SNX18: variants seen among roughly 807,000 people sequenced by gnomAD.
SNX18 encodes sorting nexin 18.
Under a neutral mutation model 48.7 loss-of-function variants are expected in SNX18, and 35 were observed. That is an observed-to-expected ratio of 0.72 (90% CI 0.55 to 0.95). The LOEUF (loss-of-function observed/expected upper bound fraction) is 0.95, where lower values mean the gene tolerates loss of function less well. Among genes scored for constraint, SNX18 ranks in the 40% least tolerant of loss-of-function variants. The probability of loss-of-function intolerance (pLI) is 0.00; values close to 1 mark genes in which losing one functional copy is unlikely to be tolerated. For synonymous variants in SNX18, 492 were observed against 384.7 expected (o/e 1.28, Z -3.26); for missense variants, 824 against 871.0 (o/e 0.95, Z 0.68).
At chr5:54,644,425 GGTGA>G in the SNX18 span, 3 of 152,304 alleles carry the variant, frequency 2.0e-5, no homozygotes, top group African/African-American at 7.2e-5. Context: ...ACTAACCACG[GGTGA>G]GTAACAGGTG....
chr5:54,527,405 A>T (rs1762156094), intron 1 of SNX18, among the ~76,000 whole-genome samples: 1 of 152,048 alleles, frequency 6.6e-6, no homozygotes, highest in Non-Finnish European at 1.5e-5. Flanking sequence ...TAGAATCAAC[A>T]GGTTTTCCTG....
the SNX18 span, among the ~76,000 whole-genome samples, chr5:54,630,327 G>C: frequency 4.6e-5 from 7 of 152,228 alleles, no homozygotes; most frequent in Admixed American, 4.6e-4. Context: ...GTGTACCTGT[G>C]TGTGTGTGTG....
chr5:54,518,230 C>T lies in SNX18; in HGVS notation c.278C>T (p.Pro93Leu), dbSNP rs763198102. ...GGCTTCGAGCCCCTGCCTGTCGCGC[C>T]CCCCGCCTCCTTCAAGCCGCCGCCT... is the stretch of plus-strand genomic sequence containing the variant. Reference protein sequence around the residue: ...PGGFEPLPVAPPASFKPPPDA... With the variant: ...PGGFEPLPVALPASFKPPPDA... Residue 93 changes from proline (P) to leucine (L), a missense_variant, in exon 1 of 2, where the codon CCC becomes CTC. Pro to Leu is a moderately conservative substitution (Grantham distance 98). Coordinates refer to ENST00000381410, the MANE Select transcript of SNX18 (RefSeq NM_001102575.2). 23 of 1,426,392 alleles carry T rather than the reference C, an allele frequency of 1.6e-5. No homozygotes were observed. In the Admixed American group the frequency reaches 4.3e-4, roughly 26 times the overall value. 88.4% of individuals were successfully genotyped at this position (1,426,392 alleles called of 1,614,324 possible). A position where few individuals can be genotyped will look rare whatever the true frequency, so the allele number is the denominator to read the frequency against.
intron 1 of SNX18, among the ~76,000 whole-genome samples, chr5:54,522,479 T>C (rs114641245): frequency 0.011 from 1,683 of 152,334 alleles, 32 homozygotes; most frequent in African/African-American, 0.039. Context: ...AGCAAATTAT[T>C]ATATTTTAAT....
chr5:54,590,358 T>C, the SNX18 span, among the ~76,000 whole-genome samples: 1,387 of 152,338 alleles, frequency 9.1e-3, 17 homozygotes, highest in Middle Eastern at 0.02. Flanking sequence ...CTGAAATAGT[T>C]GAGAATCCTA....
chr5:54,642,688 C>T, the SNX18 span, among the ~76,000 whole-genome samples: 4 of 152,158 alleles, frequency 2.6e-5, no homozygotes, highest in African/African-American at 7.2e-5. Context: ...TAATATCTAG[C>T]GTCTTAACAT....
the SNX18 span, among the ~76,000 whole-genome samples, chr5:54,636,583 T>C: frequency 3.7e-3 from 556 of 152,306 alleles, 3 homozygotes; most frequent in Non-Finnish European, 6.8e-3. Context: ...CAGCCCCTAC[T>C]CTGCTTTTTG....
At chr5:54,556,464 C>T in the SNX18 span, among the ~76,000 whole-genome samples, 11 of 152,198 alleles carry the variant, frequency 7.2e-5, no homozygotes, top group Admixed American at 6.5e-4. Context: ...ATCACTCTGA[C>T]ACAAAACATT....
chr5:54,545,420 T>C lies in SNX18; in HGVS notation c.*1988T>C, dbSNP rs1762559298. 6.6e-6 allele frequency: 1 copy of C among 152,142 alleles called. No individual in the cohort carries two copies. The highest frequency in any genetic ancestry group is 1.5e-5 in the Non-Finnish European group (1 of 68,004). The allele number at this position is 152,142 out of a possible 1,614,324, so 9.4% of individuals were successfully genotyped here. On this transcript the variant is annotated 3_prime_UTR_variant, in exon 2 of 2. Coordinates refer to ENST00000381410, the MANE Select transcript of SNX18 (RefSeq NM_001102575.2). ...TTTGATGGTGGTTGGATTTTTTTTTTTTTAATAGTAAAATCACTAAACTTG... is the reference window on the plus strand; with the variant it reads ...TTTGATGGTGGTTGGATTTTTTTTTCTTTAATAGTAAAATCACTAAACTTG...
the SNX18 span, among the ~76,000 whole-genome samples, chr5:54,641,654 A>G: frequency 9.9e-5 from 15 of 152,222 alleles, no homozygotes; most frequent in African/African-American, 2.7e-4. Context: ...TCACAGCACA[A>G]CAAAAATTTT....
At chr5:54,615,904 A>G in the SNX18 span, among the ~76,000 whole-genome samples, 5,429 of 152,302 alleles carry the variant, frequency 0.036, 270 homozygotes, top group African/African-American at 0.11. Context: ...GAATATAAAG[A>G]TAAGTAGACT....
At chr5:54,567,515 T>A in the SNX18 span, among the ~76,000 whole-genome samples, 21,981 of 151,956 alleles carry the variant, frequency 0.14, 1,660 homozygotes, top group East Asian at 0.19. Context: ...GTTTGGGGCC[T>A]GGGAATCGAA....
At chr5:54,605,090 A>G in the SNX18 span, among the ~76,000 whole-genome samples, 1 of 152,192 alleles carries the variant, frequency 6.6e-6, no homozygotes, top group South Asian at 2.1e-4. Context: ...TCAAAATGTA[A>G]GATCTAAGAT....
At chr5:54,625,062 A>G in the SNX18 span, among the ~76,000 whole-genome samples, 1 of 152,176 alleles carries the variant, frequency 6.6e-6, no homozygotes, top group Non-Finnish European at 1.5e-5. Context: ...CAGTTAAAAG[A>G]GCTTAAGTGG....
At chr5:54,634,469 CT>C in the SNX18 span, among the ~76,000 whole-genome samples, 1 of 152,090 alleles carries the variant, frequency 6.6e-6, no homozygotes, top group Non-Finnish European at 1.5e-5. Flanking sequence ...CCCAGGATAG[CT>C]TTGAATGTGG....
chr5:54,615,858 T>C, the SNX18 span, among the ~76,000 whole-genome samples: 1 of 152,218 alleles, frequency 6.6e-6, no homozygotes, highest in African/African-American at 2.4e-5. Context: ...GCATGTTGAT[T>C]AACATGATGA....
chr5:54,543,272 C>A lies in SNX18; in HGVS notation c.1715C>A (p.Thr572Asn). Residue 572 changes from threonine to asparagine, a missense_variant, in exon 2 of 2, where the codon ACT becomes AAT. Physicochemically the swap from Thr to Asn is moderately conservative, Grantham distance 65. This residue lies in a region of SNX18 where 443 missense variants were observed against 503.6 expected (regional missense o/e 0.88). Transcript: ENST00000381410. ...KADGIQDRCNTISFATLAEIH... is the reference protein window; with the variant it reads ...KADGIQDRCNNISFATLAEIH... ...GACGGCATTCAGGATCGCTGTAACA[C>A]TATTTCTTTTGCCACTTTGGCTGAA... 6.2e-7 allele frequency: 1 copy of A among 1,614,192 alleles called. No individual in the cohort carries two copies. The highest frequency in any genetic ancestry group is 1.3e-5 in the African/African-American group (1 of 75,050).
the SNX18 span, among the ~76,000 whole-genome samples, chr5:54,589,588 A>C: frequency 2.6e-5 from 4 of 152,248 alleles, no homozygotes; most frequent in African/African-American, 9.6e-5. Context: ...GTCAGGTATG[A>C]AAATCATTTA....
chr5:54,554,115 G>T, the SNX18 span, among the ~76,000 whole-genome samples: 2 of 152,190 alleles, frequency 1.3e-5, no homozygotes, highest in Admixed American at 6.5e-5. Flanking sequence ...GGCTTGTATT[G>T]AACCTTTCTT....
Sources: allele counts gnomAD v4.1 joint callset (sites outside exome capture counted in the v4.1 genomes callset), GRCh38; gene constraint gnomAD v4.1.1; regional missense constraint gnomAD v4.1.1; transcripts MANE v1.5; gene names NCBI Gene and HGNC (gene_info 2026-07-23, HGNC 2026-07-21).